Variants in TM6SF1 observed in about 807,000 individuals in gnomAD.
The protein encoded by TM6SF1 is transmembrane 6 superfamily member 1.
A neutral mutation model predicts 47.1 loss-of-function variants in TM6SF1; 43 were observed. That is an observed-to-expected ratio of 0.91 (90% CI 0.72 to 1.18). The LOEUF (loss-of-function observed/expected upper bound fraction) is 1.18. Ranked by LOEUF, TM6SF1 falls within the 50% of genes most tolerant of loss-of-function variation. TM6SF1 has a pLI of 0.00. For synonymous variants in TM6SF1, 177 were observed against 166.3 expected (o/e 1.06, Z -0.49); for missense variants, 390 against 449.0 (o/e 0.87, Z 1.19).
rs2033912720 is a variant in TM6SF1 at position 83,108,978 on chromosome 15, C to T, written c.92+1206C>T. ...ATAGTGCATGGGGGACCCTGTGCTC[C>T]AAAAAATGGCATTACGGGTAGTTCA... On this transcript the variant is annotated intron_variant, in intron 1 of 9. Coordinates refer to ENST00000322019, the MANE Select transcript of TM6SF1 (RefSeq NM_023003.5). Among the ~76,000 whole-genome samples, 4 of 152,128 alleles carry T rather than the reference C, an allele frequency of 2.6e-5. No individual in the cohort carries two copies. The South Asian group carries it at 8.3e-4, about 31-fold the overall frequency.
intron 1 of TM6SF1, among the ~76,000 whole-genome samples, chr15:83,108,691 G>A (rs937390722): frequency 2.0e-5 from 3 of 152,200 alleles, no homozygotes; most frequent in East Asian, 1.9e-4. Context: ...GAAGTAACCT[G>A]CTATGTCTCT....
In TM6SF1 at chr15:83,137,259, C is replaced by T. The variant is rs905879713; in HGVS notation, c.*587C>T. 2 of 152,064 alleles carry T rather than the reference C, an allele frequency of 1.3e-5. No individual in the cohort carries two copies. Among genetic ancestry groups the T allele is most frequent in the South Asian group, 2.1e-4 (1 of 4,836 alleles). 9.4% of individuals were successfully genotyped at this position (152,064 alleles called of 1,614,324 possible). ...TAAACAGCTAAATAGGGATCAGTAA[C>T]TTTATCTCTATCCTTAATGAACATT... is the stretch of plus-strand genomic sequence containing the variant. On this transcript the variant is annotated 3_prime_UTR_variant, in exon 10 of 10. Coordinates refer to ENST00000322019, the MANE Select transcript of TM6SF1 (RefSeq NM_023003.5).
chr15:83,119,598 C>T lies in TM6SF1; in HGVS notation c.315C>T (p.Thr105=), dbSNP rs529704524. ...YLREGEPYLN[T]AYGHMICYWD... Reference sequence around the variant, plus strand: ...TTTAGGGTGAACCGTATCTGAACACCGCATATGGGCACATGATCTGCTACT... The same window carrying T: ...TTTAGGGTGAACCGTATCTGAACACTGCATATGGGCACATGATCTGCTACT... Residue 105 remains threonine, a synonymous_variant, in exon 4 of 10, where the codon ACC becomes ACT. Transcript: ENST00000322019. The T allele has an allele frequency of 2.6e-4, 418 of 1,614,128 alleles. 4 individuals are homozygous for T. The South Asian group carries it at 4.1e-3, about 16-fold the overall frequency.
At chr15:83,112,534 C>G (rs1321809442) in intron 1 of TM6SF1, among the ~76,000 whole-genome samples, 1 of 152,026 alleles carries the variant, frequency 6.6e-6, no homozygotes, top group East Asian at 1.9e-4. Context: ...CCAGACGTGT[C>G]ATCTGTGCAC....
At chr15:83,118,641 T>C (rs2034921623) in intron 3 of TM6SF1, among the ~76,000 whole-genome samples, 1 of 152,198 alleles carries the variant, frequency 6.6e-6, no homozygotes, top group Non-Finnish European at 1.5e-5. Flanking sequence ...GAGAAAGCCC[T>C]GCTTGCTTGG....
intron 7 of TM6SF1, 61 bp from the exon 8 acceptor site, chr15:83,126,694 T>A: frequency 3.6e-6 from 5 of 1,399,376 alleles, no homozygotes; most frequent in Non-Finnish European, 5.0e-6. Flanking sequence ...TTTAGCCTTA[T>A]CAGCAAACCT....
chr15:83,123,631 G>T (rs2035465873), intron 6 of TM6SF1, among the ~76,000 whole-genome samples: 1 of 152,150 alleles, frequency 6.6e-6, no homozygotes, highest in Non-Finnish European at 1.5e-5. Context: ...TACTTCATTT[G>T]TAAACATTTA....
intron 1 of TM6SF1, chr15:83,108,036 C>G: frequency 1.6e-6 from 1 of 626,874 alleles, no homozygotes; most frequent in African/African-American, 1.9e-5. Flanking sequence ...TGCCCGGGGT[C>G]ACAGGCGTCA....
At chr15:83,108,161 C>T (rs1249038313) in intron 1 of TM6SF1, among the ~76,000 whole-genome samples, 1 of 152,228 alleles carries the variant, frequency 6.6e-6, no homozygotes, top group African/African-American at 2.4e-5. Flanking sequence ...TTTTGCATCT[C>T]ACGGGAACGT....
In TM6SF1 at chr15:83,126,786, G is replaced by A. The variant is rs765868162; in HGVS notation, c.740G>A (p.Arg247Gln). Residue 247 changes from arginine (R) to glutamine (Q), a missense_variant, in exon 8 of 10, where the codon CGA (arginine) becomes CAA (glutamine). Physicochemically the swap from Arg to Gln is conservative, Grantham distance 43. Transcript: ENST00000322019. ...TTGGATTGCCCATCTGAGCTCTGCCGATTATATACGCAATTTCAAGAGCCC... is the reference window on the plus strand; with the variant it reads ...TTGGATTGCCCATCTGAGCTCTGCCAATTATATACGCAATTTCAAGAGCCC... ...IALDCPSELC[R>Q]LYTQFQEPYL... is the part of the protein sequence containing the mutation. 6.2e-6 allele frequency: 10 copies of A among 1,613,552 alleles called. No homozygotes were observed. Among genetic ancestry groups the A allele is most frequent in the Admixed American group, 5.0e-5 (3 of 59,966 alleles).
At chr15:83,112,995 AG>A in intron 2 of TM6SF1, 95 bp downstream of exon 2, 1 of 1,071,200 alleles carries the variant, frequency 9.3e-7, no homozygotes, top group South Asian at 1.3e-5. Context: ...GAATACTCTG[AG>A]CCCTTTGGTA....
At chr15:83,109,296 G>C (rs1016147088) in intron 1 of TM6SF1, among the ~76,000 whole-genome samples, 1 of 152,150 alleles carries the variant, frequency 6.6e-6, no homozygotes, top group Non-Finnish European at 1.5e-5. Flanking sequence ...TTGGATGGGC[G>C]TAGTAGGTAT....
intron 9 of TM6SF1, 144 bp downstream of exon 9, chr15:83,127,621 C>T: frequency 2.4e-6 from 2 of 832,900 alleles, no homozygotes; most frequent in East Asian, 2.6e-5. Flanking sequence ...CTTCAGAAGA[C>T]ATTTCTGCAA....
chr15:83,126,684 T>C, intron 7 of TM6SF1, 71 bp from the exon 8 acceptor site: 5 of 1,280,912 alleles, frequency 3.9e-6, no homozygotes, highest in Non-Finnish European at 5.6e-6. Context: ...ACCTGGCACA[T>C]TTAGCCTTAT....
intron 5 of TM6SF1, among the ~76,000 whole-genome samples, 180 bp downstream of exon 5, chr15:83,122,183 A>G (rs2035319378): frequency 6.6e-6 from 1 of 152,186 alleles, no homozygotes; most frequent in African/African-American, 2.4e-5. Context: ...AAGTGCTTTG[A>G]GCAATTTTCA....
chr15:83,124,028 A>G (rs1320020461), intron 6 of TM6SF1, among the ~76,000 whole-genome samples: 2 of 152,196 alleles, frequency 1.3e-5, no homozygotes, highest in Admixed American at 1.3e-4. Context: ...ACCACCAAAG[A>G]TTTACAAAGT....
At chr15:83,128,258 C>T (rs1164917822) in intron 9 of TM6SF1, 1 of 152,024 alleles carries the variant, frequency 6.6e-6, no homozygotes, top group East Asian at 1.9e-4. Flanking sequence ...TAATCATGAT[C>T]GTAAGACATA....
intron 9 of TM6SF1, 23 bp from the exon 10 acceptor site, chr15:83,136,458 T>A (rs970141612): frequency 2.1e-5 from 11 of 522,240 alleles, no homozygotes; most frequent in South Asian, 4.5e-5. Context: ...GCTTACTCAA[T>A]TTTTTTTTTT....
intron 1 of TM6SF1, among the ~76,000 whole-genome samples, chr15:83,111,265 C>A (rs1300649962): frequency 6.6e-6 from 1 of 152,024 alleles, no homozygotes; most frequent in African/African-American, 2.4e-5. Context: ...CATCATCTAT[C>A]CATCCATTTA....
Sources: gnomAD v4.1 joint callset for allele counts (sites outside exome capture counted in the v4.1 genomes callset) on GRCh38, gnomAD v4.1.1 for gene constraint, MANE v1.5 for transcripts, NCBI Gene and HGNC (gene_info 2026-07-23, HGNC 2026-07-21) for gene names.